Variants in BBS9 observed in about 807,000 individuals in gnomAD.
BBS9 encodes the protein protein PTHB1.
In BBS9, 89 loss-of-function variants were observed where a neutral mutation model predicts 117.7. That is an observed-to-expected ratio of 0.76 (90% CI 0.64 to 0.90). The LOEUF is 0.90. Among genes scored for constraint, BBS9 ranks in the 40% least tolerant of loss-of-function variants. BBS9 has a pLI of 0.00. For synonymous variants in BBS9, 379 were observed against 370.9 expected, an observed-to-expected ratio of 1.02 and a Z score of -0.25; for missense variants, 982 against 1,042.2, an observed-to-expected ratio of 0.94 and a Z score of 0.80.
At chr7:33,225,310 G>A (rs754045308) in intron 5 of BBS9, among the ~76,000 whole-genome samples, 2 of 152,044 alleles carry the variant, frequency 1.3e-5, no homozygotes, top group Non-Finnish European at 1.5e-5. Context: ...TGATCCTCCC[G>A]CCTCAGCCTC....
intron 21 of BBS9, among the ~76,000 whole-genome samples, chr7:33,621,696 TAAG>T (rs1865414657): frequency 6.6e-6 from 1 of 152,132 alleles, no homozygotes; most frequent in Admixed American, 6.5e-5. Context: ...GGAAATAAAA[TAAG>T]TATGTCAAAG....
At chr7:33,372,926 C>T (rs1349135797) in intron 17 of BBS9, among the ~76,000 whole-genome samples, 1 of 151,986 alleles carries the variant, frequency 6.6e-6, no homozygotes, top group Non-Finnish European at 1.5e-5. Flanking sequence ...GTAAGTTATC[C>T]AGTTTGTTGG....
chr7:33,286,143 A>G (rs1214514067), intron 9 of BBS9, among the ~76,000 whole-genome samples: 2 of 152,048 alleles, frequency 1.3e-5, no homozygotes, highest in African/African-American at 2.4e-5. Flanking sequence ...GTAGAATTCT[A>G]CTTATTACCA....
chr7:33,560,221 G>A, intron 21 of BBS9, among the ~76,000 whole-genome samples: 1 of 152,268 alleles, frequency 6.6e-6, no homozygotes, highest in Non-Finnish European at 1.5e-5. Context: ...GGTATATGTA[G>A]TATATCTCTT....
intron 5 of BBS9, among the ~76,000 whole-genome samples, chr7:33,216,569 A>G (rs1789104596): frequency 6.6e-6 from 1 of 152,246 alleles, no homozygotes; most frequent in South Asian, 2.1e-4. Context: ...TACGGGAAGT[A>G]TAAAGGCAAT....
At chr7:33,471,528 G>A (rs1841037925) in intron 19 of BBS9, among the ~76,000 whole-genome samples, 1 of 152,178 alleles carries the variant, frequency 6.6e-6, no homozygotes, top group African/African-American at 2.4e-5. Flanking sequence ...ACTAGACCTA[G>A]AAGGGAGCTT....
intron 19 of BBS9, among the ~76,000 whole-genome samples, chr7:33,460,870 C>T (rs1205571824): frequency 1.3e-5 from 2 of 152,070 alleles, no homozygotes; most frequent in East Asian, 3.9e-4. Flanking sequence ...AACGCCTTAC[C>T]CAATAAGCAG....
intron 1 of BBS9, among the ~76,000 whole-genome samples, chr7:33,140,258 T>G (rs1028396611): frequency 2.0e-5 from 3 of 152,114 alleles, no homozygotes; most frequent in Non-Finnish European, 4.4e-5. Context: ...TCTCCTGACC[T>G]CGTGATCTGC....
intron 9 of BBS9, among the ~76,000 whole-genome samples, chr7:33,334,399 C>T (rs6976753): frequency 6.6e-6 from 1 of 152,110 alleles, no homozygotes; most frequent in African/African-American, 2.4e-5. Context: ...AGAAGCCCCC[C>T]CCAGAGGTCT....
intron 20 of BBS9, among the ~76,000 whole-genome samples, chr7:33,524,884 T>G (rs1849234662): frequency 6.6e-6 from 1 of 152,212 alleles, no homozygotes. Flanking sequence ...TTGTGGGCAT[T>G]TAGTGCTATA....
intron 6 of BBS9, among the ~76,000 whole-genome samples, chr7:33,262,547 A>G (rs144210261): frequency 1.4e-4 from 21 of 152,310 alleles, no homozygotes; most frequent in African/African-American, 4.1e-4. Context: ...ATTATTTTGC[A>G]CTTTTAGAGA....
intron 7 of BBS9, 50 bp downstream of exon 7, chr7:33,264,424 C>T (rs1798467744): frequency 1.9e-6 from 2 of 1,053,852 alleles, no homozygotes; most frequent in South Asian, 1.6e-5. Context: ...TATATCTAAT[C>T]ACATATGTTT....
chr7:33,413,000 G>T (rs1831403435), intron 19 of BBS9, among the ~76,000 whole-genome samples: 1 of 152,162 alleles, frequency 6.6e-6, no homozygotes, highest in African/African-American at 2.4e-5. Context: ...AGTAGGGAAT[G>T]TTATGGAACA....
intron 5 of BBS9, among the ~76,000 whole-genome samples, chr7:33,231,016 C>T (rs528877323): frequency 4.7e-4 from 71 of 152,238 alleles, no homozygotes; most frequent in South Asian, 2.1e-3. Context: ...CCATAGAAGT[C>T]GTACTAATTT....
At chr7:33,513,126 C>T (rs1026032897) in intron 20 of BBS9, among the ~76,000 whole-genome samples, 1 of 152,154 alleles carries the variant, frequency 6.6e-6, no homozygotes, top group Admixed American at 6.5e-5. Flanking sequence ...TATGTGACTC[C>T]CCGGCTACCC....
At chr7:33,513,770 A>G (rs557916506) in intron 20 of BBS9, among the ~76,000 whole-genome samples, 10 of 152,356 alleles carry the variant, frequency 6.6e-5, no homozygotes, top group African/African-American at 1.4e-4. Flanking sequence ...AAAATTTCCA[A>G]TCTTACCAGT....
chr7:33,167,995 CA>C (rs1160131396), intron 4 of BBS9, among the ~76,000 whole-genome samples: 1 of 152,278 alleles, frequency 6.6e-6, no homozygotes, highest in African/African-American at 2.4e-5. Flanking sequence ...TATGCCCAGA[CA>C]TACTAGAATT....
chr7:33,283,470 A>T (rs1802292523), intron 9 of BBS9, among the ~76,000 whole-genome samples: 1 of 150,358 alleles, frequency 6.7e-6, no homozygotes, highest in Non-Finnish European at 1.5e-5. Flanking sequence ...CATGTTCTTG[A>T]GTTGGTTTTT....
chr7:33,130,888 G>A (rs1226010168), intron 1 of BBS9, among the ~76,000 whole-genome samples: 1 of 152,004 alleles, frequency 6.6e-6, no homozygotes, highest in East Asian at 1.9e-4. Flanking sequence ...TTATATTTAT[G>A]GTACAACTTC....
Sources: allele counts gnomAD v4.1 joint callset (sites outside exome capture counted in the v4.1 genomes callset), GRCh38; gene constraint gnomAD v4.1.1; transcripts MANE v1.5; gene names NCBI Gene and HGNC (gene_info 2026-07-23, HGNC 2026-07-21).